SOX5: variants seen among roughly 807,000 people sequenced by gnomAD.
SOX5 encodes the protein SRY-box transcription factor 5.
SOX5 carries 9 observed loss-of-function variants against 92.0 expected under a neutral mutation model. The observed-to-expected ratio is 0.10, with a 90% CI of 0.06 to 0.17. The LOEUF is 0.17. Ranked by LOEUF, SOX5 falls within the 10% of genes least tolerant of loss-of-function variation. The pLI, the probability that SOX5 is intolerant of heterozygous loss-of-function variation, is 1.00. For missense variants in SOX5, 642 were observed against 944.5 expected, an observed-to-expected ratio of 0.68 and a Z score of 4.20; for synonymous variants, 344 against 336.3, an observed-to-expected ratio of 1.02 and a Z score of -0.25.
At chr12:24,436,406 C>T (rs1211298008) in intron 1 of SOX5, among the ~76,000 whole-genome samples, 1 of 151,952 alleles carries the variant, frequency 6.6e-6, no homozygotes, top group Non-Finnish European at 1.5e-5. Context: ...TTGAGTGGTC[C>T]GGATAAAAAA....
intron 1 of SOX5, among the ~76,000 whole-genome samples, chr12:24,518,201 T>C (rs367553166): frequency 6.6e-6 from 1 of 151,870 alleles, no homozygotes; most frequent in Admixed American, 6.6e-5. Flanking sequence ...CCCGAGTAGC[T>C]GGGGTTACAG....
chr12:24,330,635 G>A (rs1275972151), intron 2 of SOX5, among the ~76,000 whole-genome samples: 1 of 152,190 alleles, frequency 6.6e-6, no homozygotes, highest in Admixed American at 6.5e-5. Context: ...AAAGTTTCAT[G>A]AGGGCAAGCA....
intron 2 of SOX5, among the ~76,000 whole-genome samples, chr12:23,849,634 T>C (rs745313065): frequency 5.9e-5 from 9 of 152,148 alleles, no homozygotes; most frequent in Non-Finnish European, 1.0e-4. Context: ...TTAATAAGTA[T>C]GAAAATGAGA....
At chr12:24,267,858 C>T (rs1350012576) in intron 3 of SOX5, among the ~76,000 whole-genome samples, 1 of 152,142 alleles carries the variant, frequency 6.6e-6, no homozygotes, top group Admixed American at 6.5e-5. Context: ...ATTTTCTCAT[C>T]TGACTTTTAA....
chr12:23,559,704 G>T (rs1945850379), intron 11 of SOX5, among the ~76,000 whole-genome samples: 1 of 151,934 alleles, frequency 6.6e-6, no homozygotes, highest in Admixed American at 6.6e-5. Flanking sequence ...TGTGTATAAG[G>T]CTGTGTACCC....
At chr12:23,977,119 A>G (rs1949008333) in intron 4 of SOX5, among the ~76,000 whole-genome samples, 1 of 152,174 alleles carries the variant, frequency 6.6e-6, no homozygotes, top group Admixed American at 6.5e-5. Context: ...AGACAATAAT[A>G]AGACTGCATT....
At chr12:24,221,131 CA>C (rs1012000067) in intron 3 of SOX5, among the ~76,000 whole-genome samples, 50 of 152,200 alleles carry the variant, frequency 3.3e-4, no homozygotes, top group Non-Finnish European at 4.4e-5. Context: ...ATAACCTCTT[CA>C]AACTATGCCT....
chr12:24,018,297 T>C (rs937743373), intron 4 of SOX5, among the ~76,000 whole-genome samples: 1 of 152,236 alleles, frequency 6.6e-6, no homozygotes, highest in African/African-American at 2.4e-5. Context: ...TTAGATTTTT[T>C]TTACCTGCAA....
At chr12:24,209,345 T>C (rs1334500890) in intron 4 of SOX5, among the ~76,000 whole-genome samples, 1 of 152,178 alleles carries the variant, frequency 6.6e-6, no homozygotes, top group African/African-American at 2.4e-5. Context: ...CAAAAAATAA[T>C]GTCAAAGAAT....
chr12:24,447,454 G>A (rs1187088593), intron 1 of SOX5, among the ~76,000 whole-genome samples: 1 of 152,112 alleles, frequency 6.6e-6, no homozygotes, highest in Non-Finnish European at 1.5e-5. Flanking sequence ...ACAATCCAGA[G>A]GAAGCTAATG....
At chr12:23,988,439 G>A (rs920913221) in intron 4 of SOX5, among the ~76,000 whole-genome samples, 1 of 152,274 alleles carries the variant, frequency 6.6e-6, no homozygotes, top group Non-Finnish European at 1.5e-5. Flanking sequence ...GGGATTTGAG[G>A]AAATTAATGT....
At chr12:24,047,738 G>A (rs1349476638) in intron 4 of SOX5, among the ~76,000 whole-genome samples, 8 of 152,108 alleles carry the variant, frequency 5.3e-5, no homozygotes, top group African/African-American at 1.9e-4. Flanking sequence ...GCCTTTACCT[G>A]TCAATTTCTT....
At chr12:23,772,349 A>G (rs1053341959) in intron 3 of SOX5, among the ~76,000 whole-genome samples, 1 of 152,222 alleles carries the variant, frequency 6.6e-6, no homozygotes, top group African/African-American at 2.4e-5. Context: ...GATTCCTTTT[A>G]GAAACATGAT....
chr12:24,208,921 C>T (rs928308488), intron 4 of SOX5, among the ~76,000 whole-genome samples: 12 of 151,898 alleles, frequency 7.9e-5, no homozygotes, highest in Admixed American at 3.3e-4. Flanking sequence ...AGCATGATAA[C>T]GGTTATTGAT....
intron 1 of SOX5, among the ~76,000 whole-genome samples, chr12:24,502,001 C>T (rs1403672034): frequency 6.6e-6 from 1 of 152,156 alleles, no homozygotes; most frequent in African/African-American, 2.4e-5. Flanking sequence ...CTCTTCACAT[C>T]CTGAAAAAAA....
chr12:24,077,565 T>C (rs1173068604), intron 4 of SOX5, among the ~76,000 whole-genome samples: 1 of 151,674 alleles, frequency 6.6e-6, no homozygotes, highest in African/African-American at 2.4e-5. Flanking sequence ...GCAAGGAGTA[T>C]CAGTGCCAAG....
intron 13 of SOX5, among the ~76,000 whole-genome samples, chr12:23,539,521 G>A (rs1941431122): frequency 1.3e-5 from 2 of 151,474 alleles, no homozygotes; most frequent in South Asian, 2.1e-4. Context: ...AAAGAGAAGA[G>A]CATCCTATTG....
intron 3 of SOX5, among the ~76,000 whole-genome samples, chr12:23,816,073 T>A (rs1025598040): frequency 3.9e-5 from 6 of 152,140 alleles, no homozygotes; most frequent in Non-Finnish European, 8.8e-5. Flanking sequence ...CAACAACTCA[T>A]AAATGGAAGA....
intron 2 of SOX5, among the ~76,000 whole-genome samples, chr12:24,326,272 C>T (rs563776): frequency 6.6e-6 from 1 of 151,898 alleles, no homozygotes; most frequent in Non-Finnish European, 1.5e-5. Flanking sequence ...TCTCCTTAAG[C>T]TGAGCATTTG....
Sources: allele counts gnomAD v4.1 joint callset (sites outside exome capture counted in the v4.1 genomes callset), GRCh38; gene constraint gnomAD v4.1.1; transcripts MANE v1.5; gene names NCBI Gene and HGNC (gene_info 2026-07-23, HGNC 2026-07-21).